PARP15: variants seen among roughly 807,000 people sequenced by gnomAD.
PARP15 encodes poly(ADP-ribose) polymerase family member 15, also known as protein mono-ADP-ribosyltransferase PARP15.
Under a neutral mutation model 62.1 loss-of-function variants are expected in PARP15, and 50 were observed. The ratio of observed to expected loss-of-function variants is 0.81; its 90% CI spans 0.64 to 1.02. The LOEUF is 1.02. Among genes scored for constraint, PARP15 ranks in the 50% least tolerant of loss-of-function variants. The pLI is 0.00. For missense variants in PARP15, 820 were observed against 826.5 expected, an observed-to-expected ratio of 0.99 and a Z score of 0.10; for synonymous variants, 309 against 293.1, an observed-to-expected ratio of 1.05 and a Z score of -0.55.
intron 4 of PARP15, among the ~76,000 whole-genome samples, chr3:122,614,753 G>A (rs1033000768): frequency 2.6e-5 from 4 of 152,176 alleles, no homozygotes; most frequent in Non-Finnish European, 5.9e-5. Flanking sequence ...ACATGGACTG[G>A]TGCAGTGGCT....
chr3:122,590,563 C>T (rs950210018), intron 1 of PARP15, among the ~76,000 whole-genome samples: 6 of 152,258 alleles, frequency 3.9e-5, no homozygotes, highest in Admixed American at 1.3e-4. Context: ...CGTGAGCCAC[C>T]GTGCCCAGCC....
At chr3:122,597,488 C>T (rs912247860) in intron 1 of PARP15, among the ~76,000 whole-genome samples, 1 of 152,104 alleles carries the variant, frequency 6.6e-6, no homozygotes, top group Non-Finnish European at 1.5e-5. Context: ...TCTCGAACTC[C>T]CAACCGCAGG....
In PARP15 at chr3:122,638,987, C is replaced by T. The variant is rs1005005388; in HGVS notation, c.*2887C>T. 1 of 152,214 alleles carries T rather than the reference C, an allele frequency of 6.6e-6. No homozygotes were observed. The allele number at this position is 152,214 out of a possible 1,614,324, so 9.4% of individuals were successfully genotyped here. ...TCATCATTATTTATAGTTTAATAAT[C>T]AGTTTCATCTTGCAGTGTATCATTT... On this transcript the variant is annotated 3_prime_UTR_variant, in exon 12 of 12. Coordinates refer to ENST00000464300, the MANE Select transcript of PARP15 (RefSeq NM_001113523.3).
chr3:122,588,025 CT>C (rs1933586462), intron 1 of PARP15, among the ~76,000 whole-genome samples: 1 of 152,032 alleles, frequency 6.6e-6, no homozygotes, highest in Non-Finnish European at 1.5e-5. Context: ...TCAGATATAT[CT>C]TTTGCAAAAA....
intron 1 of PARP15, among the ~76,000 whole-genome samples, chr3:122,582,286 C>T (rs1933015156): frequency 6.6e-6 from 1 of 152,160 alleles, no homozygotes; most frequent in Non-Finnish European, 1.5e-5. Context: ...ATCCTCTCAC[C>T]TCAGCCTCCT....
At position 122,635,058 on chromosome 3, in the gene PARP15, C is replaced by T. The variant is rs746217687; in HGVS notation, c.1611C>T (p.Tyr537=). 35 of 1,613,804 alleles carry T rather than the reference C, an allele frequency of 2.2e-5. No individual in the cohort carries two copies. Among genetic ancestry groups the T allele is most frequent in the Middle Eastern group, 1.6e-4 (1 of 6,084 alleles). The change falls in exon 11 of 12, where the codon TAC becomes TAT. Residue 537 remains tyrosine, a synonymous_variant. Coordinates refer to ENST00000464300, the MANE Select transcript of PARP15 (RefSeq NM_001113523.3). ...AGAATGCATTTCTCTGGCAGAGCTA[C>T]CAGGTAAAGAAAAGGCAAATGGATA... ...RIQNAFLWQS[Y]QVKKRQMDIK... is the part of the protein sequence containing the mutation.
chr3:122,635,901 A>G lies in PARP15; in HGVS notation c.1838A>G (p.Lys613Arg), dbSNP rs1937335751. 6.2e-7 allele frequency: 1 copy of G among 1,614,022 alleles called. No homozygotes were observed. Among genetic ancestry groups the G allele is most frequent in the Non-Finnish European group, 8.5e-7 (1 of 1,180,016 alleles). Reference protein sequence around the residue: ...TYSKPDSNGRKHMYVVRVLTG... With the variant: ...TYSKPDSNGRRHMYVVRVLTG... ...TCCAAGCCAGACAGCAATGGGAGAA[A>G]GCACATGTACGTTGTGCGAGTACTT... Residue 613 changes from lysine (K) to arginine (R), a missense_variant, in exon 12 of 12, where the codon AAG becomes AGG. Around this residue, in one of 3 missense-constraint regions of PARP15, gnomAD observed 5 missense variants for 19.1 expected, o/e 0.26. Transcript: ENST00000464300.
chr3:122,580,035 A>ATATATG (rs2080771132), intron 1 of PARP15, among the ~76,000 whole-genome samples: 1 of 140,750 alleles, frequency 7.1e-6, no homozygotes, highest in Non-Finnish European at 1.5e-5. Context: ...ATATATATAT[A>ATATATG]TGCACGCGCG....
intron 1 of PARP15, among the ~76,000 whole-genome samples, chr3:122,591,574 A>C (rs1006869123): frequency 1.7e-4 from 26 of 152,284 alleles, no homozygotes; most frequent in African/African-American, 6.0e-4. Context: ...CATCCTGGCA[A>C]ACATGGTGAA....
intron 2 of PARP15, among the ~76,000 whole-genome samples, chr3:122,609,922 C>T (rs1165625664): frequency 1.3e-5 from 2 of 152,190 alleles, no homozygotes; most frequent in East Asian, 1.9e-4. Context: ...CCTGGACAGG[C>T]TAGAATGGAT....
intron 1 of PARP15, among the ~76,000 whole-genome samples, chr3:122,580,294 C>G (rs771938218): frequency 2.6e-5 from 4 of 151,752 alleles, no homozygotes; most frequent in African/African-American, 9.7e-5. Context: ...ATTTTCTCCT[C>G]GGAGTTCTCT....
intron 8 of PARP15, among the ~76,000 whole-genome samples, chr3:122,625,340 A>G (rs141378390): frequency 6.6e-6 from 1 of 151,690 alleles, no homozygotes; most frequent in East Asian, 1.9e-4. Context: ...TGCAACCTCC[A>G]CCTCCCTGGT....
chr3:122,591,500 C>T (rs190232660), intron 1 of PARP15, among the ~76,000 whole-genome samples: 7 of 152,252 alleles, frequency 4.6e-5, no homozygotes, highest in Non-Finnish European at 8.8e-5. Flanking sequence ...CAGTGGCTCA[C>T]GCCTGTAATC....
At chr3:122,601,067 A>T (rs1243796640) in intron 1 of PARP15, among the ~76,000 whole-genome samples, 5 of 77,978 alleles carry the variant, frequency 6.4e-5, no homozygotes, top group African/African-American at 4.0e-4. Flanking sequence ...TTTGAGACGG[A>T]GCCTTGCTCT....
At chr3:122,633,120 G>A (rs568923398) in intron 10 of PARP15, among the ~76,000 whole-genome samples, 3 of 152,252 alleles carry the variant, frequency 2.0e-5, no homozygotes, top group Admixed American at 1.3e-4. Context: ...TTGTAACTAT[G>A]TACTTACATT....
At chr3:122,635,280 G>A (rs927873935) in intron 11 of PARP15, 86 bp downstream of exon 11, 45 of 1,259,136 alleles carry the variant, frequency 3.6e-5, no homozygotes, top group Non-Finnish European at 4.8e-5. Context: ...GAACCATGGT[G>A]GGCAGCTGTA....
intron 1 of PARP15, chr3:122,594,614 C>G (rs943889957): frequency 2.6e-5 from 24 of 938,816 alleles, no homozygotes; most frequent in Middle Eastern, 1.1e-3. Flanking sequence ...GTTGTGAAAT[C>G]TAACTTTACA....
At chr3:122,586,973 C>G (rs1933495323) in intron 1 of PARP15, among the ~76,000 whole-genome samples, 1 of 152,214 alleles carries the variant, frequency 6.6e-6, no homozygotes, top group Non-Finnish European at 1.5e-5. Context: ...CTCTTGGCAA[C>G]AGCTGATCTT....
At chr3:122,582,106 C>T (rs1264508828) in intron 1 of PARP15, among the ~76,000 whole-genome samples, 1 of 152,038 alleles carries the variant, frequency 6.6e-6, no homozygotes, top group East Asian at 1.9e-4. Flanking sequence ...CACTGGTCTA[C>T]TGGTGATGAG....
Sources: gnomAD v4.1 joint callset for allele counts (sites outside exome capture counted in the v4.1 genomes callset) on GRCh38, gnomAD v4.1.1 for gene constraint, gnomAD v4.1.1 regional missense constraint, MANE v1.5 for transcripts, NCBI Gene and HGNC (gene_info 2026-07-23, HGNC 2026-07-21) for gene names.